TSPAN9: variants seen among roughly 807,000 people sequenced by gnomAD.
TSPAN9 encodes tetraspanin-9.
TSPAN9 carries 16 observed loss-of-function variants against 31.0 expected under a neutral mutation model. That is an observed-to-expected ratio of 0.52 (90% CI 0.35 to 0.78). The LOEUF (loss-of-function observed/expected upper bound fraction) is 0.78, where lower values mean the gene tolerates loss of function less well. Ranked by LOEUF, TSPAN9 falls within the 30% of genes least tolerant of loss-of-function variation. TSPAN9 has a pLI of 0.01. For missense variants in TSPAN9, 272 were observed against 312.5 expected, an observed-to-expected ratio of 0.87 and a Z score of 0.98; for synonymous variants, 145 against 121.6, an observed-to-expected ratio of 1.19 and a Z score of -1.27.
At chr12:3,251,691 G>A (rs1316004096) in intron 3 of TSPAN9, among the ~76,000 whole-genome samples, 6 of 152,190 alleles carry the variant, frequency 3.9e-5, no homozygotes, top group Admixed American at 1.3e-4. Context: ...CACACAGGAC[G>A]GTGGGTTCCA....
At chr12:3,116,380 T>C (rs980653069) in intron 2 of TSPAN9, among the ~76,000 whole-genome samples, 14 of 152,192 alleles carry the variant, frequency 9.2e-5, no homozygotes, top group African/African-American at 3.1e-4. Context: ...GTACCTACCA[T>C]GTGATGACAG....
At chr12:3,279,253 G>T (rs1862852118) in intron 5 of TSPAN9, among the ~76,000 whole-genome samples, 187 bp downstream of exon 5, 1 of 152,206 alleles carries the variant, frequency 6.6e-6, no homozygotes. Flanking sequence ...TTTGATGGGG[G>T]CAGCATGGGG....
intron 3 of TSPAN9, among the ~76,000 whole-genome samples, chr12:3,263,343 C>A (rs2153979243): frequency 1.3e-5 from 2 of 152,292 alleles, no homozygotes; most frequent in South Asian, 4.1e-4. Context: ...AGTCAGTGAG[C>A]CGTGTTGTTT....
chr12:3,142,857 A>G lies in TSPAN9; in HGVS notation c.-17-58320A>G, dbSNP rs546691769. Among the ~76,000 whole-genome samples, 561 of 152,340 alleles carry G rather than the reference A, an allele frequency of 3.7e-3. 4 individuals carry two copies. The highest frequency in any genetic ancestry group is 5.9e-3 in the Non-Finnish European group (401 of 68,034). ...TAACAATAGATTTTATTTAGATTTC[A>G]CTGTTCCCACGAGCGCCCTTTTTCT... On this transcript the variant is annotated intron_variant, in intron 2 of 8. Coordinates refer to ENST00000011898, the MANE Select transcript of TSPAN9 (RefSeq NM_006675.5).
intron 3 of TSPAN9, among the ~76,000 whole-genome samples, chr12:3,230,761 C>A (rs3782811): frequency 0.21 from 32,474 of 152,052 alleles, 3,685 homozygotes; most frequent in South Asian, 0.28. Context: ...AGCACACCCC[C>A]GTTCTCATCC....
At chr12:3,188,532 C>G (rs571288843) in intron 2 of TSPAN9, among the ~76,000 whole-genome samples, 1 of 152,082 alleles carries the variant, frequency 6.6e-6, no homozygotes, top group Non-Finnish European at 1.5e-5. Flanking sequence ...TCCGGCTGGC[C>G]GTGGCTTCGG....
chr12:3,088,962 A>G (rs1283591531), intron 2 of TSPAN9, among the ~76,000 whole-genome samples: 2 of 151,902 alleles, frequency 1.3e-5, no homozygotes, highest in Admixed American at 6.6e-5. Context: ...GCTGGGTGTG[A>G]TGGCTCACGC....
chr12:3,109,125 C>T (rs752298141), intron 2 of TSPAN9, among the ~76,000 whole-genome samples: 4 of 151,572 alleles, frequency 2.6e-5, no homozygotes, highest in Admixed American at 1.3e-4. Flanking sequence ...TTAGTAGAGA[C>T]GGGGGTTTCA....
chr12:3,082,320 C>T (rs1172809417), intron 1 of TSPAN9, among the ~76,000 whole-genome samples: 2 of 152,164 alleles, frequency 1.3e-5, no homozygotes, highest in Non-Finnish European at 2.9e-5. Context: ...GTGAATGGTG[C>T]AGGTGGGCCA....
chr12:3,181,506 C>T (rs538226904), intron 2 of TSPAN9, among the ~76,000 whole-genome samples: 1 of 152,232 alleles, frequency 6.6e-6, no homozygotes, highest in East Asian at 1.9e-4. Context: ...TAAGGCAGTG[C>T]CCATGGTAGT....
intron 2 of TSPAN9, among the ~76,000 whole-genome samples, chr12:3,139,217 C>G (rs2098333581): frequency 6.6e-6 from 1 of 152,210 alleles, no homozygotes; most frequent in Non-Finnish European, 1.5e-5. Context: ...TCCTCTCTTC[C>G]TCTGTCTGAG....
At chr12:3,123,981 G>A (rs561835415) in intron 2 of TSPAN9, among the ~76,000 whole-genome samples, 1 of 152,338 alleles carries the variant, frequency 6.6e-6, no homozygotes, top group South Asian at 2.1e-4. Context: ...CTCCTGGAGT[G>A]CGGGAAGCAG....
intron 2 of TSPAN9, among the ~76,000 whole-genome samples, chr12:3,132,172 A>G (rs1013488912): frequency 4.6e-5 from 7 of 152,036 alleles, no homozygotes; most frequent in African/African-American, 1.7e-4. Flanking sequence ...TCTTCTGTTG[A>G]TGGACATTTG....
At chr12:3,105,483 G>A (rs2098313865) in intron 2 of TSPAN9, among the ~76,000 whole-genome samples, 1 of 151,734 alleles carries the variant, frequency 6.6e-6, no homozygotes, top group African/African-American at 2.4e-5. Flanking sequence ...AGAGAGTAAG[G>A]CTGGGGTGGA....
intron 3 of TSPAN9, among the ~76,000 whole-genome samples, chr12:3,210,674 A>T (rs1391393235): frequency 6.6e-6 from 1 of 150,994 alleles, no homozygotes; most frequent in East Asian, 1.9e-4. Flanking sequence ...TCAAATTTTC[A>T]GCCTCTTCTT....
At chr12:3,094,169 G>A (rs2098306545) in intron 2 of TSPAN9, among the ~76,000 whole-genome samples, 1 of 152,118 alleles carries the variant, frequency 6.6e-6, no homozygotes, top group Non-Finnish European at 1.5e-5. Flanking sequence ...CCCAGCCCAG[G>A]AGTCTTCTCT....
intron 3 of TSPAN9, among the ~76,000 whole-genome samples, chr12:3,274,228 G>A (rs1862741826): frequency 6.6e-6 from 1 of 152,216 alleles, no homozygotes; most frequent in Non-Finnish European, 1.5e-5. Context: ...TCCCTGGGGA[G>A]CAGAATTGCT....
At chr12:3,243,853 G>A (rs778104200) in intron 3 of TSPAN9, among the ~76,000 whole-genome samples, 4 of 152,204 alleles carry the variant, frequency 2.6e-5, no homozygotes, top group Non-Finnish European at 5.9e-5. Flanking sequence ...TGACCTCAAG[G>A]CCGCCACCTC....
At chr12:3,085,201 T>TAA (rs1245048351) in intron 2 of TSPAN9, among the ~76,000 whole-genome samples, 1 of 139,344 alleles carries the variant, frequency 7.2e-6, no homozygotes, top group Non-Finnish European at 1.6e-5. Context: ...TTGTCCCTAT[T>TAA]AAAAAAAAAA....
Sources: allele counts gnomAD v4.1 joint callset (sites outside exome capture counted in the v4.1 genomes callset), GRCh38; gene constraint gnomAD v4.1.1; transcripts MANE v1.5; gene names NCBI Gene and HGNC (gene_info 2026-07-23, HGNC 2026-07-21).